The following HLF variants were observed in gnomAD, a reference collection of about 807,000 sequenced individuals.
HLF encodes HLF transcription factor, PAR bZIP family member, also known as hepatic leukemia factor.
Under a neutral mutation model 22.6 loss-of-function variants are expected in HLF, and 3 were observed. The ratio of observed to expected loss-of-function variants is 0.13; its 90% CI spans 0.06 to 0.34. HLF has a LOEUF of 0.34. Among genes scored for constraint, HLF ranks in the 10% least tolerant of loss-of-function variants. HLF has a pLI of 1.00. For synonymous variants in HLF, 151 were observed against 151.8 expected, an observed-to-expected ratio of 0.99 and a Z score of 0.04; for missense variants, 299 against 389.2, an observed-to-expected ratio of 0.77 and a Z score of 1.95.
At chr17:55,270,656 C>CTTT (rs10712714) in intron 2 of HLF, among the ~76,000 whole-genome samples, 39 of 84,730 alleles carry the variant, frequency 4.6e-4, no homozygotes, top group African/African-American at 1.3e-3. Flanking sequence ...TTGGGTAAAT[C>CTTT]TTTTTTTTTT....
At chr17:55,274,853 A>G (rs2080891569) in intron 2 of HLF, among the ~76,000 whole-genome samples, 1 of 152,134 alleles carries the variant, frequency 6.6e-6, no homozygotes, top group Admixed American at 6.5e-5. Flanking sequence ...CCACCATCTA[A>G]TCTCATTTCC....
At chr17:55,314,171 C>G (rs1291668461) in intron 2 of HLF, among the ~76,000 whole-genome samples, 1 of 152,120 alleles carries the variant, frequency 6.6e-6, no homozygotes, top group African/African-American at 2.4e-5. Context: ...ACATTTGGGT[C>G]TGGTATGAAG....
intron 2 of HLF, among the ~76,000 whole-genome samples, chr17:55,312,735 A>G (rs1442208285): frequency 6.6e-6 from 1 of 152,236 alleles, no homozygotes; most frequent in African/African-American, 2.4e-5. Context: ...AGCAAGAACC[A>G]GGACTTTCAC....
In HLF at chr17:55,265,336, T is replaced by C. The variant is rs150158905; in HGVS notation, c.-149T>C. On this transcript the variant is annotated 5_prime_UTR_variant, in exon 1 of 4. Coordinates refer to ENST00000226067, the MANE Select transcript of HLF (RefSeq NM_002126.5). ...TTTTATGCAGATGTATTTATAAAGA[T>C]ATAAGTAATTTTTTTCTTCCCTTTT... The C allele has an allele frequency of 3.3e-4, 198 of 601,708 alleles. 2 individuals carry two copies. In the East Asian group the frequency reaches 5.6e-3, roughly 17 times the overall value. 37.3% of individuals were successfully genotyped at this position (601,708 alleles called of 1,614,324 possible). A position where few individuals can be genotyped will look rare whatever the true frequency, so the allele number is the denominator to read the frequency against.
In HLF at chr17:55,321,152, C is replaced by G; in HGVS notation, c.*273C>G. On this transcript the variant is annotated 3_prime_UTR_variant, in exon 4 of 4. Coordinates refer to ENST00000226067, the MANE Select transcript of HLF (RefSeq NM_002126.5). ...TTTTAGTTCCAACAAAGAAAGGTGC[C>G]ATGTCTTTACTAGACTGAGGAGCCC... The G allele has an allele frequency of 2.3e-6, 1 of 426,568 alleles. No individual in the cohort carries two copies. The highest frequency in any genetic ancestry group is 4.3e-6 in the Non-Finnish European group (1 of 231,192). 26.4% of individuals were successfully genotyped at this position (426,568 alleles called of 1,614,324 possible).
At position 55,321,839 on chromosome 17, in the gene HLF, A is replaced by G. The variant is rs16955858; in HGVS notation, c.*960A>G. Reference sequence around the variant, plus strand: ...ACTGCGTCTTGGATTAGCCTTTGACATTGATGTGTTCGGTTTTGTTGTTCC... The same window carrying G: ...ACTGCGTCTTGGATTAGCCTTTGACGTTGATGTGTTCGGTTTTGTTGTTCC... On this transcript the variant is annotated 3_prime_UTR_variant, in exon 4 of 4. Coordinates refer to ENST00000226067, the MANE Select transcript of HLF (RefSeq NM_002126.5). 2,332 of 232,398 alleles carry G rather than the reference A, an allele frequency of 0.01. 59 individuals are homozygous for G. The highest frequency in any genetic ancestry group is 0.048 in the African/African-American group (2,176 of 45,342). 14.4% of individuals were successfully genotyped at this position (232,398 alleles called of 1,614,324 possible). A position where few individuals can be genotyped will look rare whatever the true frequency, so the allele number is the denominator to read the frequency against.
chr17:55,305,398 T>G (rs2145355904), intron 2 of HLF, among the ~76,000 whole-genome samples: 1 of 152,238 alleles, frequency 6.6e-6, no homozygotes, highest in South Asian at 2.1e-4. Flanking sequence ...GGAGCTTCCT[T>G]GGGCTCTTGT....
At position 55,320,995 on chromosome 17, in the gene HLF, A is replaced by G. The variant is rs1482459447; in HGVS notation, c.*116A>G. 3 of 748,680 alleles carry G rather than the reference A, an allele frequency of 4.0e-6. No individual in the cohort carries two copies. Among genetic ancestry groups the G allele is most frequent in the Non-Finnish European group, 6.7e-6 (3 of 448,002 alleles). The allele number at this position is 748,680 out of a possible 1,614,324, so 46.4% of individuals were successfully genotyped here. A position where few individuals can be genotyped will look rare whatever the true frequency, so the allele number is the denominator to read the frequency against. On this transcript the variant is annotated 3_prime_UTR_variant, in exon 4 of 4. Transcript: ENST00000226067. This position sits in a 1 kb window ranked among gnomAD's most constrained non-coding sequence, Gnocchi z 4.2. ...GCACTTTACCAGAGGCATAAACACA[A>G]CTGACTCCCATTTTGGTGTGCATCT...
chr17:55,277,684 GA>G (rs1389916878), intron 2 of HLF, among the ~76,000 whole-genome samples: 1 of 152,138 alleles, frequency 6.6e-6, no homozygotes, highest in African/African-American at 2.4e-5. Context: ...AGCACCCCCT[GA>G]AGTGTGCTCT....
chr17:55,309,052 C>G (rs1402977463), intron 2 of HLF, among the ~76,000 whole-genome samples: 1 of 152,192 alleles, frequency 6.6e-6, no homozygotes, highest in Non-Finnish European at 1.5e-5. Context: ...CTGCCACATT[C>G]TGTTGGCCAG....
rs906658784 is a variant in HLF at position 55,267,887 on chromosome 17, A to G, written c.252A>G (p.Glu84=). Residue 84 remains glutamate, a synonymous_variant, in exon 2 of 4, where the codon GAA becomes GAG. Coordinates refer to ENST00000226067, the MANE Select transcript of HLF (RefSeq NM_002126.5). The part of the protein sequence containing the change: ...LPYDGDTFQL[E]YMDLEEFLSE... ...ATGACGGAGATACTTTCCAGTTGGA[A>G]TACATGGACCTGGAGGAGTTTTTGT... 8.1e-6 allele frequency: 13 copies of G among 1,614,008 alleles called. No individual in the cohort carries two copies. Among genetic ancestry groups the G allele is most frequent in the Admixed American group, 6.7e-5 (4 of 60,000 alleles).
At chr17:55,285,681 G>A (rs1310084988) in intron 2 of HLF, among the ~76,000 whole-genome samples, 1 of 152,106 alleles carries the variant, frequency 6.6e-6, no homozygotes, top group African/African-American at 2.4e-5. Context: ...TGTTCCTTTG[G>A]TCCTTCAGCC....
chr17:55,275,095 TTTTG>T (rs1333885327), intron 2 of HLF, among the ~76,000 whole-genome samples: 2 of 152,234 alleles, frequency 1.3e-5, no homozygotes, highest in East Asian at 1.9e-4. Flanking sequence ...GAAGAAGTTT[TTTTG>T]TTTGTTTGTT....
In HLF at chr17:55,309,179, G is replaced by A. The variant is rs528016336; in HGVS notation, c.452-6048G>A. Reference sequence around the variant, plus strand: ...GGAATGAGCCTTTGGCCATCAGGACGTTAGTGTTAAGCTTTTGCAGAAAGG... The same window carrying A: ...GGAATGAGCCTTTGGCCATCAGGACATTAGTGTTAAGCTTTTGCAGAAAGG... On this transcript the variant is annotated intron_variant, in intron 2 of 3. Coordinates refer to ENST00000226067, the MANE Select transcript of HLF (RefSeq NM_002126.5). 1.1e-4 allele frequency among the ~76,000 whole-genome samples: 17 copies of A among 152,290 alleles called. No individual in the cohort carries two copies. In the South Asian group the frequency reaches 2.7e-3, roughly 24 times the overall value.
chr17:55,313,284 A>G (rs1228837102), intron 2 of HLF, among the ~76,000 whole-genome samples: 1 of 152,170 alleles, frequency 6.6e-6, no homozygotes, highest in East Asian at 1.9e-4. Context: ...AGTATGCATC[A>G]TGGTGAGGAG....
chr17:55,300,105 C>G (rs774101765), intron 2 of HLF, among the ~76,000 whole-genome samples: 1 of 152,198 alleles, frequency 6.6e-6, no homozygotes, highest in Non-Finnish European at 1.5e-5. Flanking sequence ...TCCCAAAGTG[C>G]TGGAACTACA....
chr17:55,305,010 ATGTC>A (rs879881966), intron 2 of HLF, among the ~76,000 whole-genome samples: 2 of 152,224 alleles, frequency 1.3e-5, no homozygotes, highest in African/African-American at 2.4e-5. Flanking sequence ...AGGGTTCAAA[ATGTC>A]TGTCTGCCCA....
rs541982135 is a variant in HLF, at chr17:55,320,411, C to G, written c.673-253C>G. ...CATCCAGCCTCTGATCTCTGCTTCA[C>G]TGAGCACGCCTCTGCTGGGCAAAGA... is the stretch of plus-strand genomic sequence containing the variant. On this transcript the variant is annotated intron_variant, in intron 3 of 3. Transcript: ENST00000226067. This position sits in a 1 kb window ranked among gnomAD's most constrained non-coding sequence, Gnocchi z 4.2. 9.8e-5 allele frequency among the ~76,000 whole-genome samples: 15 copies of G among 152,316 alleles called. No individual in the cohort carries two copies. The highest frequency in any genetic ancestry group is 7.7e-4 in the East Asian group (4 of 5,180).
intron 2 of HLF, among the ~76,000 whole-genome samples, chr17:55,313,287 G>A (rs545445829): frequency 6.6e-6 from 1 of 152,106 alleles, no homozygotes; most frequent in Admixed American, 6.6e-5. Context: ...ATGCATCATG[G>A]TGAGGAGTCA....
Sources: allele counts gnomAD v4.1 joint callset (sites outside exome capture counted in the v4.1 genomes callset), GRCh38; gene constraint gnomAD v4.1.1; non-coding constraint Gnocchi (gnomAD v3.1); transcripts MANE v1.5; gene names NCBI Gene and HGNC (gene_info 2026-07-23, HGNC 2026-07-21).